IL1RAPL1: variants seen among roughly 807,000 people sequenced by gnomAD.
IL1RAPL1 encodes interleukin-1 receptor accessory protein-like 1.
A neutral mutation model predicts 48.4 loss-of-function variants in IL1RAPL1; 3 were observed. The observed-to-expected ratio is 0.06, with a 90% CI of 0.03 to 0.16. The LOEUF (loss-of-function observed/expected upper bound fraction) is 0.16. Among genes scored for constraint, IL1RAPL1 ranks in the 10% least tolerant of loss-of-function variants. IL1RAPL1 has a pLI of 1.00. For synonymous variants in IL1RAPL1, 185 were observed against 187.7 expected (o/e 0.99, Z 0.12); for missense variants, 349 against 530.6 (o/e 0.66, Z 3.36).
intron 2 of IL1RAPL1, among the ~76,000 whole-genome samples, chrX:29,067,720 G>C (rs1252587638): frequency 9.0e-6 from 1 of 111,486 alleles, no homozygotes; most frequent in African/African-American, 3.3e-5. Context: ...CTAGGTTTCA[G>C]TTTCCCATTA....
At chrX:29,356,454 A>G (rs1362862162) in intron 3 of IL1RAPL1, among the ~76,000 whole-genome samples, 2 of 112,038 alleles carry the variant, frequency 1.8e-5, no homozygotes, top group Non-Finnish European at 3.8e-5. Context: ...ACTATGTTTT[A>G]AAGATCCATT....
Position 29,518,606 on chromosome X carries a change from G to T in IL1RAPL1, c.703+119298G>T, listed in dbSNP as rs751916634. Reference sequence around the variant, plus strand: ...CAATGAAACCAGCCAGTGCAGAAGGGTGTTACATGGGAGTGTGCCTGACAA... The same window carrying T: ...CAATGAAACCAGCCAGTGCAGAAGGTTGTTACATGGGAGTGTGCCTGACAA... On this transcript the variant is annotated intron_variant, in intron 5 of 10. Transcript: ENST00000378993. Among the ~76,000 whole-genome samples, 7 of 111,704 alleles carry T rather than the reference G, an allele frequency of 6.3e-5. No homozygotes were observed. In the South Asian group the frequency reaches 2.6e-3, roughly 42 times the overall value.
intron 2 of IL1RAPL1, among the ~76,000 whole-genome samples, chrX:29,248,348 C>T (rs1268917726): frequency 1.8e-5 from 2 of 111,182 alleles, no homozygotes; most frequent in Admixed American, 9.5e-5. Context: ...ACGTGGGAGG[C>T]GGAGGCAGAG....
chrX:28,892,198 A>G (rs74955874), intron 2 of IL1RAPL1, among the ~76,000 whole-genome samples: 2,548 of 110,150 alleles, frequency 0.023, 67 homozygotes, highest in African/African-American at 0.081. Context: ...GGGTGCAGGC[A>G]GGCCGAGTCC....
chrX:28,714,741 A>G (rs1935482319), intron 1 of IL1RAPL1, among the ~76,000 whole-genome samples: 1 of 112,067 alleles, frequency 8.9e-6, no homozygotes, highest in Non-Finnish European at 1.9e-5. Flanking sequence ...TCTTTTGCAT[A>G]CTTGTGGAGT....
intron 6 of IL1RAPL1, among the ~76,000 whole-genome samples, chrX:29,738,076 T>C (rs1928095626): frequency 8.9e-6 from 1 of 112,351 alleles, no homozygotes; most frequent in African/African-American, 3.2e-5. Flanking sequence ...TTAGCCTACT[T>C]CTAGGCAAGC....
At chrX:29,673,108 G>A (rs1926182287) in intron 6 of IL1RAPL1, among the ~76,000 whole-genome samples, 1 of 111,674 alleles carries the variant, frequency 9.0e-6, no homozygotes, top group African/African-American at 3.3e-5. Flanking sequence ...TTTTAGATTT[G>A]GAATAGACCA....
chrX:29,575,092 C>A (rs1186139619), intron 5 of IL1RAPL1, among the ~76,000 whole-genome samples: 2 of 111,717 alleles, frequency 1.8e-5, no homozygotes, highest in Non-Finnish European at 3.8e-5. Context: ...TCTTCTGAGC[C>A]CTCCAACTGT....
intron 2 of IL1RAPL1, among the ~76,000 whole-genome samples, chrX:28,960,096 A>G (rs1003724783): frequency 8.9e-6 from 1 of 111,969 alleles, no homozygotes; most frequent in African/African-American, 3.2e-5. Flanking sequence ...TTCTGTGCAG[A>G]AAAGGAATTG....
At chrX:28,740,685 C>A (rs1360929714) in intron 1 of IL1RAPL1, among the ~76,000 whole-genome samples, 1 of 110,464 alleles carries the variant, frequency 9.1e-6, no homozygotes, top group African/African-American at 3.3e-5. Context: ...TGTCTATTGT[C>A]CCTCTCTTTG....
In IL1RAPL1 at chrX:29,418,123, A is replaced by ATTTT. The variant is rs1477273573; in HGVS notation, c.703+18816_703+18817insTTTT. Among the ~76,000 whole-genome samples, 31 of 29,477 alleles carry ATTTT rather than the reference A, an allele frequency of 1.1e-3. 1 individual carries two copies. Among genetic ancestry groups the ATTTT allele is most frequent in the African/African-American group, 4.0e-3 (24 of 6,073 alleles). 25.6% of individuals were successfully genotyped at this position (29,477 alleles called of 115,157 possible). ...TATATATATATATATATATATATAT[A>ATTTT]TATTTTTTTTTTTTTTTTTGAGATG... On this transcript the variant is annotated intron_variant, in intron 5 of 10. Coordinates refer to ENST00000378993, the MANE Select transcript of IL1RAPL1 (RefSeq NM_014271.4).
intron 2 of IL1RAPL1, among the ~76,000 whole-genome samples, chrX:28,932,092 G>C (rs1304997091): frequency 1.8e-5 from 2 of 110,053 alleles, no homozygotes; most frequent in Non-Finnish European, 3.8e-5. Context: ...AGTTAGGTTT[G>C]CATATATGAG....
intron 2 of IL1RAPL1, among the ~76,000 whole-genome samples, chrX:29,274,715 G>C (rs1044874844): frequency 1.8e-5 from 2 of 111,764 alleles, no homozygotes; most frequent in Non-Finnish European, 3.8e-5. Flanking sequence ...CTGTAATGAA[G>C]GCAGAAAATG....
chrX:29,236,398 T>G (rs757464711), intron 2 of IL1RAPL1, among the ~76,000 whole-genome samples: 1 of 110,992 alleles, frequency 9.0e-6, no homozygotes, highest in Admixed American at 9.6e-5. Flanking sequence ...CTGGTTAGCG[T>G]TGACTGGCTA....
At chrX:29,879,792 AT>A (rs949630540) in intron 6 of IL1RAPL1, among the ~76,000 whole-genome samples, 1 of 110,678 alleles carries the variant, frequency 9.0e-6, no homozygotes, top group African/African-American at 3.3e-5. Context: ...TTTATACAGT[AT>A]TTTTTCTGGC....
chrX:29,117,468 G>T (rs1406537072), intron 2 of IL1RAPL1, among the ~76,000 whole-genome samples: 2 of 112,181 alleles, frequency 1.8e-5, no homozygotes, highest in South Asian at 3.6e-4. Flanking sequence ...ACACAACTTC[G>T]TGGAATTCTA....
intron 9 of IL1RAPL1, among the ~76,000 whole-genome samples, chrX:29,948,885 GACAACTATTCAGT>G (rs1933262094): frequency 9.3e-6 from 1 of 107,469 alleles, no homozygotes; most frequent in East Asian, 2.9e-4. Flanking sequence ...AAAAACATTT[GACAACTATTCAGT>G]AAGTGTTTAG....
intron 1 of IL1RAPL1, among the ~76,000 whole-genome samples, chrX:28,603,230 T>C (rs777849545): frequency 5.4e-5 from 6 of 111,757 alleles, no homozygotes; most frequent in Non-Finnish European, 9.4e-5. Flanking sequence ...GTGTTCATTA[T>C]ACAATCAAAA....
chrX:29,055,818 A>G (rs1927201065), intron 2 of IL1RAPL1, among the ~76,000 whole-genome samples: 1 of 111,924 alleles, frequency 8.9e-6, no homozygotes, highest in Non-Finnish European at 1.9e-5. Context: ...TCATTATGCT[A>G]TTAGATTGAC....
Sources: gnomAD v4.1 joint callset for allele counts (sites outside exome capture counted in the v4.1 genomes callset) on GRCh38, gnomAD v4.1.1 for gene constraint, MANE v1.5 for transcripts, NCBI Gene and HGNC (gene_info 2026-07-23, HGNC 2026-07-21) for gene names.